PXDNL: variants seen among roughly 807,000 people sequenced by gnomAD.
PXDNL encodes probable oxidoreductase PXDNL.
In PXDNL, 145 loss-of-function variants were observed where a neutral mutation model predicts 150.8. The observed-to-expected ratio is 0.96, with a 90% CI of 0.84 to 1.10. The LOEUF is 1.10. PXDNL is among the 50% of genes least tolerant of loss of function. PXDNL has a pLI of 0.00. For missense variants in PXDNL, 2,087 were observed against 1,873.9 expected (o/e 1.11, Z -2.10); for synonymous variants, 757 against 725.7 (o/e 1.04, Z -0.69).
intron 5 of PXDNL, among the ~76,000 whole-genome samples, chr8:51,495,242 GAC>G (rs1421304831): frequency 2.6e-5 from 4 of 152,078 alleles, no homozygotes; most frequent in African/African-American, 9.7e-5. Flanking sequence ...TGAGAACAAA[GAC>G]ACAACATACC....
Position 51,408,133 on chromosome 8 carries a change from G to T in PXDNL, c.3491C>A (p.Ser1164Ter). 44 of 1,613,102 alleles carry T rather than the reference G, an allele frequency of 2.7e-5. No individual in the cohort carries two copies. The highest frequency in any genetic ancestry group is 3.7e-5 in the Non-Finnish European group (44 of 1,179,566). The part of the protein sequence containing the change: ...VDFRVFCNLT[S>*]VKNFEDLQNE... ...TTGAAGATCCTCAAAGTTCTTAACT[G>T]AAGTCAAATTACAGAAAACTCTGAA... is the stretch of plus-strand genomic sequence containing the variant. The change falls in exon 17 of 23, where the codon TCA becomes TAA. Residue 1164 changes from serine (S) to a stop codon, truncating the protein, a stop_gained. Transcript: ENST00000356297. LOFTEE classifies it high-confidence loss of function.
At chr8:51,490,448 T>C (rs1585518343) in intron 5 of PXDNL, among the ~76,000 whole-genome samples, 1 of 151,890 alleles carries the variant, frequency 6.6e-6, no homozygotes, top group East Asian at 1.9e-4. Flanking sequence ...AGAGTGAAGA[T>C]GTAAAAGGTG....
At chr8:51,398,670 A>G (rs1586070576) in intron 17 of PXDNL, among the ~76,000 whole-genome samples, 1 of 152,316 alleles carries the variant, frequency 6.6e-6, no homozygotes, top group African/African-American at 2.4e-5. Flanking sequence ...GGGTTTCTAC[A>G]TTCCCACCCA....
intron 5 of PXDNL, among the ~76,000 whole-genome samples, chr8:51,491,240 C>T (rs183790225): frequency 3.9e-4 from 59 of 152,176 alleles, no homozygotes; most frequent in African/African-American, 1.4e-3. Flanking sequence ...AAGTTAATAT[C>T]CCTTAATAAA....
intron 17 of PXDNL, among the ~76,000 whole-genome samples, chr8:51,406,933 G>A (rs1563396614): frequency 6.6e-6 from 1 of 152,148 alleles, no homozygotes; most frequent in Non-Finnish European, 1.5e-5. Flanking sequence ...AAACATCTAC[G>A]GCTAACATTT....
In PXDNL at chr8:51,784,917, A is replaced by G. The variant is rs925489179; in HGVS notation, c.164+24264T>C. The stretch of plus-strand genomic sequence containing the variant: ...TATATTTCTATTAAAATTAAAATAC[A>G]TTCATATATAGGTTTTGCTTATTGA... On this transcript the variant is annotated intron_variant, in intron 1 of 22. Coordinates refer to ENST00000356297, the MANE Select transcript of PXDNL (RefSeq NM_144651.5). 5.3e-5 allele frequency among the ~76,000 whole-genome samples: 8 copies of G among 152,168 alleles called. No individual in the cohort carries two copies. In the South Asian group the frequency reaches 8.3e-4, roughly 16 times the overall value.
intron 2 of PXDNL, among the ~76,000 whole-genome samples, chr8:51,616,755 T>G (rs1814139459): frequency 6.6e-6 from 1 of 152,228 alleles, no homozygotes; most frequent in African/African-American, 2.4e-5. Context: ...GAAATTCAAC[T>G]TTTTCTTTTG....
At chr8:51,502,938 T>G (rs2217524) in intron 4 of PXDNL, among the ~76,000 whole-genome samples, 2 of 152,142 alleles carry the variant, frequency 1.3e-5, no homozygotes, top group African/African-American at 4.8e-5. Flanking sequence ...CCAATATCAC[T>G]TAGCTACTAT....
At chr8:51,497,991 T>C (rs1036902093) in intron 5 of PXDNL, among the ~76,000 whole-genome samples, 12 of 152,152 alleles carry the variant, frequency 7.9e-5, no homozygotes, top group Non-Finnish European at 1.3e-4. Context: ...TGTATGTTTA[T>C]TGTGGCACTA....
intron 19 of PXDNL, among the ~76,000 whole-genome samples, chr8:51,359,031 G>A (rs895652517): frequency 6.6e-6 from 1 of 152,174 alleles, no homozygotes; most frequent in Non-Finnish European, 1.5e-5. Context: ...AGAATGAACT[G>A]AATAAGTGGG....
At chr8:51,455,413 G>A (rs965442102) in intron 9 of PXDNL, among the ~76,000 whole-genome samples, 4 of 152,046 alleles carry the variant, frequency 2.6e-5, no homozygotes, top group African/African-American at 4.8e-5. Flanking sequence ...TAAAAACAAA[G>A]TCCTGGCAAT....
At chr8:51,681,074 CTG>C (rs1166945527) in intron 1 of PXDNL, among the ~76,000 whole-genome samples, 2 of 152,140 alleles carry the variant, frequency 1.3e-5, no homozygotes, top group African/African-American at 4.8e-5. Flanking sequence ...GATCTTAAGA[CTG>C]TCGATTCAAT....
intron 17 of PXDNL, among the ~76,000 whole-genome samples, chr8:51,395,723 A>C (rs910646340): frequency 6.6e-6 from 1 of 152,222 alleles, no homozygotes; most frequent in African/African-American, 2.4e-5. Context: ...GAGAAGAGAT[A>C]CATAGAAAAA....
At chr8:51,378,738 G>A (rs535161874) in intron 17 of PXDNL, among the ~76,000 whole-genome samples, 46 of 149,290 alleles carry the variant, frequency 3.1e-4, no homozygotes, top group Non-Finnish European at 5.6e-4. Flanking sequence ...CGGGAGGAAC[G>A]AACAACTCCA....
intron 1 of PXDNL, among the ~76,000 whole-genome samples, chr8:51,791,828 A>G (rs2129256298): frequency 6.6e-6 from 1 of 152,284 alleles, no homozygotes; most frequent in South Asian, 2.1e-4. Context: ...CTGTTCTTGA[A>G]AGTTAGATTT....
intron 1 of PXDNL, among the ~76,000 whole-genome samples, chr8:51,808,317 C>T (rs1253090621): frequency 6.6e-6 from 1 of 152,172 alleles, no homozygotes; most frequent in Non-Finnish European, 1.5e-5. Flanking sequence ...TAGTCTGCAT[C>T]TTTCAGCATT....
At chr8:51,621,448 C>CTGTGTGTG (rs10531050) in intron 2 of PXDNL, among the ~76,000 whole-genome samples, 9 of 142,250 alleles carry the variant, frequency 6.3e-5, no homozygotes, top group Middle Eastern at 3.6e-3. Context: ...GTGTGTGTGT[C>CTGTGTGTG]TGTGTGTGTG....
chr8:51,416,468 A>G (rs1808803583), intron 14 of PXDNL, among the ~76,000 whole-genome samples: 1 of 152,228 alleles, frequency 6.6e-6, no homozygotes, highest in African/African-American at 2.4e-5. Flanking sequence ...ACTTGTCTTC[A>G]TCTGTTAGCT....
At chr8:51,688,258 G>C (rs1182258563) in intron 1 of PXDNL, among the ~76,000 whole-genome samples, 1 of 152,052 alleles carries the variant, frequency 6.6e-6, no homozygotes. Flanking sequence ...GGAGTCAGAA[G>C]CATGTCAGCC....
Sources: gnomAD v4.1 joint callset for allele counts (sites outside exome capture counted in the v4.1 genomes callset) on GRCh38, gnomAD v4.1.1 for gene constraint, MANE v1.5 for transcripts, NCBI Gene and HGNC (gene_info 2026-07-23, HGNC 2026-07-21) for gene names.